The following GRM7 variants were observed in gnomAD, a reference collection of about 807,000 sequenced individuals.
The protein encoded by GRM7 is glutamate metabotropic receptor 7.
A neutral mutation model predicts 84.5 loss-of-function variants in GRM7; 35 were observed. The ratio of observed to expected loss-of-function variants is 0.41; its 90% CI spans 0.32 to 0.55. The LOEUF (loss-of-function observed/expected upper bound fraction) is 0.55, where lower values mean the gene tolerates loss of function less well. Ranked by LOEUF, GRM7 falls within the 20% of genes least tolerant of loss-of-function variation. The pLI is 0.19. For missense variants in GRM7, 1,003 were observed against 1,194.6 expected, an observed-to-expected ratio of 0.84 and a Z score of 2.36; for synonymous variants, 487 against 455.1, an observed-to-expected ratio of 1.07 and a Z score of -0.89.
chr3:7,184,750 T>C (rs1695458413), intron 2 of GRM7, among the ~76,000 whole-genome samples: 1 of 152,192 alleles, frequency 6.6e-6, no homozygotes, highest in Non-Finnish European at 1.5e-5. Context: ...GTTTTATTTT[T>C]ATGAACAATG....
chr3:7,552,211 C>G (rs1211037484), intron 7 of GRM7, among the ~76,000 whole-genome samples: 3 of 152,218 alleles, frequency 2.0e-5, no homozygotes, highest in Admixed American at 2.0e-4. Flanking sequence ...CTCCATGTCT[C>G]ACATTCAGGT....
At chr3:7,648,251 T>C (rs1251381992) in intron 8 of GRM7, among the ~76,000 whole-genome samples, 1 of 147,526 alleles carries the variant, frequency 6.8e-6, no homozygotes, top group Non-Finnish European at 1.5e-5. Context: ...ATAAATAGTT[T>C]TTTTTTTATG....
chr3:7,516,053 A>G lies in GRM7; in HGVS notation c.1515+54331A>G, dbSNP rs74479854. Among the ~76,000 whole-genome samples, 4 of 151,480 alleles carry G rather than the reference A, an allele frequency of 2.6e-5. No individual in the cohort carries two copies. In the East Asian group the frequency reaches 5.8e-4, roughly 22 times the overall value. ...ATGGTGGTACATGCCTGTGGTCTCA[A>G]CTACTTGGGATGCTGAGGTGGGAGG... On this transcript the variant is annotated intron_variant, in intron 7 of 9. Coordinates refer to ENST00000357716, the MANE Select transcript of GRM7 (RefSeq NM_000844.4).
rs200491096 is a variant in GRM7, at chr3:7,402,878, CT to C, written c.1034-12142del. ...GAAAAGTCTTTCCTTCAAAAGGTTG[CT>C]TTCTTTTCCCCTCAATCATTAGGTG... On this transcript the variant is annotated intron_variant, in intron 4 of 9. Coordinates refer to ENST00000357716, the MANE Select transcript of GRM7 (RefSeq NM_000844.4). Among the ~76,000 whole-genome samples the C allele has an allele frequency of 8.0e-3, 1,193 of 149,886 alleles. 14 individuals are homozygous for C. Among genetic ancestry groups the C allele is most frequent in the Non-Finnish European group, 0.013 (881 of 67,564 alleles).
intron 1 of GRM7, among the ~76,000 whole-genome samples, chr3:6,947,739 A>G (rs1009138404): frequency 1.3e-4 from 20 of 152,070 alleles, no homozygotes; most frequent in Non-Finnish European, 8.8e-5. Flanking sequence ...AGAGCCTGTT[A>G]TTGGTCTATT....
intron 5 of GRM7, among the ~76,000 whole-genome samples, chr3:7,442,117 T>C (rs755695609): frequency 2.0e-5 from 3 of 152,268 alleles, no homozygotes; most frequent in Non-Finnish European, 4.4e-5. Context: ...TTCATGGACA[T>C]AGAATACTTT....
chr3:7,023,869 A>G (rs1695873107), intron 1 of GRM7, among the ~76,000 whole-genome samples: 1 of 152,192 alleles, frequency 6.6e-6, no homozygotes, highest in African/African-American at 2.4e-5. Flanking sequence ...ACATAAGTTC[A>G]TCAGGAGAGG....
Position 6,979,794 on chromosome 3 carries a change from T to A in GRM7, c.519+117887T>A, listed in dbSNP as rs767180817. ...TTGCAAATCTGCAATCACTTTTGCA[T>A]CAACATAATACATGTAGAGAAAATG... is the stretch of plus-strand genomic sequence containing the variant. On this transcript the variant is annotated intron_variant, in intron 1 of 9. Coordinates refer to ENST00000357716, the MANE Select transcript of GRM7 (RefSeq NM_000844.4). Among the ~76,000 whole-genome samples the A allele has an allele frequency of 3.1e-4, 47 of 152,200 alleles. 1 individual carries two copies. The highest frequency in any genetic ancestry group is 6.3e-4 in the Non-Finnish European group (43 of 68,028).
chr3:7,632,084 T>A (rs1697882293), intron 8 of GRM7, among the ~76,000 whole-genome samples: 1 of 152,116 alleles, frequency 6.6e-6, no homozygotes, highest in African/African-American at 2.4e-5. Flanking sequence ...AGGACAGAGT[T>A]TGATCCACTC....
chr3:7,631,850 CA>C (rs1242610568), intron 8 of GRM7, among the ~76,000 whole-genome samples: 1 of 152,058 alleles, frequency 6.6e-6, no homozygotes, highest in East Asian at 1.9e-4. Flanking sequence ...GAGAAACTAA[CA>C]AACAGAATGT....
intron 4 of GRM7, among the ~76,000 whole-genome samples, chr3:7,312,713 G>A (rs1700444359): frequency 6.6e-6 from 1 of 151,934 alleles, no homozygotes; most frequent in South Asian, 2.1e-4. Flanking sequence ...TGACCATTGG[G>A]ATGGATGATG....
intron 9 of GRM7, chr3:7,691,379 C>G: frequency 1.6e-6 from 1 of 620,280 alleles, no homozygotes; most frequent in South Asian, 2.1e-5. Context: ...CTATCTTTTT[C>G]TCTGGTCAAG....
intron 2 of GRM7, among the ~76,000 whole-genome samples, chr3:7,202,465 G>A (rs1575025779): frequency 6.6e-6 from 1 of 152,028 alleles, no homozygotes; most frequent in African/African-American, 2.4e-5. Flanking sequence ...CAAGTGGCTG[G>A]GATTACAGGC....
chr3:7,018,103 C>T (rs6763985), intron 1 of GRM7, among the ~76,000 whole-genome samples: 4,921 of 152,224 alleles, frequency 0.032, 287 homozygotes, highest in African/African-American at 0.11. Context: ...TACCAAGAAA[C>T]AGGTGAAATT....
At position 7,483,038 on chromosome 3, in the gene GRM7, TAAGG is replaced by T. The variant is rs1340454728; in HGVS notation, c.1515+21319_1515+21322del. On this transcript the variant is annotated intron_variant, in intron 7 of 9. Transcript: ENST00000357716. ...TTTTCTGGAATTCCCGTTTTGCAAA[TAAGG>T]AAAGAAGTAACAAGAGGTGAAGAAT... Among the ~76,000 whole-genome samples the T allele has an allele frequency of 2.6e-5, 4 of 152,080 alleles. No homozygotes were observed. In the East Asian group the frequency reaches 7.7e-4, roughly 29 times the overall value.
chr3:6,904,847 A>T (rs548801106), intron 1 of GRM7, among the ~76,000 whole-genome samples: 4 of 151,904 alleles, frequency 2.6e-5, no homozygotes, highest in Non-Finnish European at 5.9e-5. Flanking sequence ...CAGTCTCCCA[A>T]ATAATTAGAA....
At chr3:7,484,908 C>A (rs933273454) in intron 7 of GRM7, among the ~76,000 whole-genome samples, 17 of 152,164 alleles carry the variant, frequency 1.1e-4, no homozygotes, top group Admixed American at 1.1e-3. Context: ...ACTGTGGTGT[C>A]TGTCTTTGGT....
chr3:7,546,408 G>A (rs113584465), intron 7 of GRM7, among the ~76,000 whole-genome samples: 283 of 152,316 alleles, frequency 1.9e-3, no homozygotes, highest in African/African-American at 6.4e-3. Flanking sequence ...GTCTCTGGCC[G>A]AACTTACCCA....
intron 2 of GRM7, among the ~76,000 whole-genome samples, chr3:7,208,468 G>T (rs1201960567): frequency 4.6e-5 from 7 of 152,082 alleles, no homozygotes; most frequent in Non-Finnish European, 1.5e-5. Context: ...CTCATCTGCG[G>T]GATACAGATT....
Sources: allele counts gnomAD v4.1 joint callset (sites outside exome capture counted in the v4.1 genomes callset), GRCh38; gene constraint gnomAD v4.1.1; transcripts MANE v1.5; gene names NCBI Gene and HGNC (gene_info 2026-07-23, HGNC 2026-07-21).